Variants in NR6A1 observed in about 807,000 individuals in gnomAD.
The protein encoded by NR6A1 is retinoic acid receptor-related testis-associated receptor.
NR6A1 carries 7 observed loss-of-function variants against 59.1 expected under a neutral mutation model. The ratio of observed to expected loss-of-function variants is 0.12; its 90% CI spans 0.07 to 0.22. The LOEUF is 0.22. NR6A1 is among the 10% of genes least tolerant of loss of function. NR6A1 has a pLI of 1.00. For synonymous variants in NR6A1, 243 were observed against 236.1 expected (o/e 1.03, Z -0.27); for missense variants, 468 against 611.6 (o/e 0.77, Z 2.48).
intron 2 of NR6A1, among the ~76,000 whole-genome samples, chr9:124,720,187 G>A (rs1198745189): frequency 6.6e-6 from 1 of 151,954 alleles, no homozygotes; most frequent in East Asian, 2.0e-4. Context: ...AAGTAGCTGG[G>A]ATTACAAGCA....
intron 1 of NR6A1, among the ~76,000 whole-genome samples, chr9:124,738,090 C>T (rs903206432): frequency 1.3e-5 from 2 of 152,036 alleles, no homozygotes; most frequent in Non-Finnish European, 2.9e-5. Flanking sequence ...CCCGTTTCTA[C>T]TAAAAATACA....
chr9:124,622,585 A>G (rs952246442), intron 2 of NR6A1, among the ~76,000 whole-genome samples: 6 of 152,226 alleles, frequency 3.9e-5, no homozygotes, highest in Non-Finnish European at 8.8e-5. Context: ...AAAGTTAAGC[A>G]AACTACAAAT....
Position 124,564,660 on chromosome 9 carries a change from G to A in NR6A1, c.143-10090C>T, listed in dbSNP as rs968298153. ...AGTAGAGGTCTATAGATTCAGTAAG[G>A]TCCCATTCAAAATCCACACTCTGTG... On this transcript the variant is annotated intron_variant, in intron 2 of 9. Coordinates refer to ENST00000487099, the MANE Select transcript of NR6A1 (RefSeq NM_033334.4). 1.1e-4 allele frequency among the ~76,000 whole-genome samples: 16 copies of A among 146,540 alleles called. No individual in the cohort carries two copies. In the Middle Eastern group the frequency reaches 0.014, roughly 126 times the overall value.
intron 2 of NR6A1, among the ~76,000 whole-genome samples, chr9:124,669,545 C>G (rs1024798101): frequency 4.6e-5 from 7 of 152,196 alleles, no homozygotes; most frequent in African/African-American, 1.7e-4. Flanking sequence ...TCACATGTCT[C>G]AGACTGTGGC....
intron 2 of NR6A1, among the ~76,000 whole-genome samples, chr9:124,678,819 C>T (rs1350353031): frequency 1.3e-5 from 2 of 152,142 alleles, no homozygotes; most frequent in Admixed American, 6.5e-5. Context: ...TAAGACCTCA[C>T]TCAGGAAATA....
chr9:124,600,463 G>A (rs1485100571), intron 2 of NR6A1, among the ~76,000 whole-genome samples: 2 of 152,098 alleles, frequency 1.3e-5, no homozygotes, highest in Admixed American at 1.3e-4. Flanking sequence ...AAAAACTCAA[G>A]GATTGGAAAC....
At chr9:124,624,512 T>C in intron 2 of NR6A1, among the ~76,000 whole-genome samples, 1 of 152,232 alleles carries the variant, frequency 6.6e-6, no homozygotes. Context: ...AAAATCTCTG[T>C]TGGCATCATG....
chr9:124,533,690 C>A (rs781590287), intron 7 of NR6A1, among the ~76,000 whole-genome samples: 3 of 151,330 alleles, frequency 2.0e-5, no homozygotes, highest in Non-Finnish European at 4.4e-5. Flanking sequence ...CGCTCTGTCG[C>A]CCAGGCTGGA....
chr9:124,539,958 G>A, intron 5 of NR6A1, 75 bp downstream of exon 5: 1 of 1,482,020 alleles, frequency 6.7e-7, no homozygotes, highest in East Asian at 2.8e-5. Context: ...GGGATACTCA[G>A]CCAGAGGTTT....
In NR6A1 at chr9:124,620,569, C is replaced by CA. The variant is rs141003641; in HGVS notation, c.143-66000dup. Among the ~76,000 whole-genome samples, 196 of 152,238 alleles carry CA rather than the reference C, an allele frequency of 1.3e-3. 1 individual carries two copies. The highest frequency in any genetic ancestry group is 4.5e-3 in the African/African-American group (187 of 41,548). ...ACCATGCTACGTGAAAGCAGCAAGA[C>CA]ACAGATAATACATATGGTATAATTC... is the stretch of plus-strand genomic sequence containing the variant. On this transcript the variant is annotated intron_variant, in intron 2 of 9. Coordinates refer to ENST00000487099, the MANE Select transcript of NR6A1 (RefSeq NM_033334.4).
rs77774286 is a variant in NR6A1 at position 124,730,994 on chromosome 9, A to C, written c.142+2314T>G. On this transcript the variant is annotated intron_variant, in intron 2 of 9. Transcript: ENST00000487099. ...TCAGTGCTTAACAAACTGAGTTATC[A>C]ACTATCTAGCATGTTTTATGTGTAG... 1.5e-4 allele frequency among the ~76,000 whole-genome samples: 23 copies of C among 152,318 alleles called. 1 individual carries two copies. In the East Asian group the frequency reaches 4.2e-3, roughly 28 times the overall value.
At chr9:124,663,402 G>A (rs1318004145) in intron 2 of NR6A1, among the ~76,000 whole-genome samples, 2 of 152,164 alleles carry the variant, frequency 1.3e-5, no homozygotes, top group African/African-American at 4.8e-5. Flanking sequence ...GAGTCTTAGG[G>A]TCAAGTGAAC....
At chr9:124,606,223 A>G (rs1835572074) in intron 2 of NR6A1, among the ~76,000 whole-genome samples, 1 of 152,158 alleles carries the variant, frequency 6.6e-6, no homozygotes, top group African/African-American at 2.4e-5. Context: ...TTTAATGATC[A>G]GCAAATTCAG....
intron 1 of NR6A1, among the ~76,000 whole-genome samples, chr9:124,762,141 T>C (rs1300616819): frequency 6.6e-6 from 1 of 152,216 alleles, no homozygotes; most frequent in Non-Finnish European, 1.5e-5. Flanking sequence ...CATATATTTA[T>C]GCCTGAGTGT....
intron 2 of NR6A1, among the ~76,000 whole-genome samples, chr9:124,566,905 G>A (rs977242454): frequency 6.6e-6 from 1 of 152,140 alleles, no homozygotes; most frequent in Admixed American, 6.5e-5. Context: ...TCAGGAGATA[G>A]AGACCATCCC....
intron 2 of NR6A1, among the ~76,000 whole-genome samples, chr9:124,720,597 G>T (rs1342509487): frequency 6.6e-6 from 1 of 152,088 alleles, no homozygotes; most frequent in African/African-American, 2.4e-5. Context: ...AAAGAGAGAG[G>T]CTTATCTTTT....
chr9:124,764,921 C>T (rs1048818856), intron 1 of NR6A1, among the ~76,000 whole-genome samples: 2 of 152,148 alleles, frequency 1.3e-5, no homozygotes, highest in African/African-American at 2.4e-5. Flanking sequence ...TGCCAGCTGA[C>T]TTATCAGCAG....
chr9:124,589,881 A>G (rs930396044), intron 2 of NR6A1, among the ~76,000 whole-genome samples: 5 of 152,012 alleles, frequency 3.3e-5, no homozygotes, highest in African/African-American at 4.8e-5. Flanking sequence ...CCTGGGCAAC[A>G]TGGTGAAATC....
At chr9:124,759,939 C>A (rs1840740496) in intron 1 of NR6A1, among the ~76,000 whole-genome samples, 1 of 151,440 alleles carries the variant, frequency 6.6e-6, no homozygotes. Flanking sequence ...ACTCAGGAGG[C>A]TGAGGCAGAA....
Sources: gnomAD v4.1 joint callset for allele counts (sites outside exome capture counted in the v4.1 genomes callset) on GRCh38, gnomAD v4.1.1 for gene constraint, MANE v1.5 for transcripts, NCBI Gene and HGNC (gene_info 2026-07-23, HGNC 2026-07-21) for gene names.